ARHGAP44: variants seen among roughly 807,000 people sequenced by gnomAD.
The protein encoded by ARHGAP44 is rho GTPase-activating protein 44.
ARHGAP44 carries 43 observed loss-of-function variants against 106.8 expected under a neutral mutation model. That is an observed-to-expected ratio of 0.40 (90% confidence interval 0.32 to 0.52). ARHGAP44 has a LOEUF of 0.52. Ranked by LOEUF, ARHGAP44 falls within the 20% of genes least tolerant of loss-of-function variation. The probability of loss-of-function intolerance (pLI) is 0.48; values close to 1 mark genes in which losing one functional copy is unlikely to be tolerated. For synonymous variants in ARHGAP44, 439 were observed against 410.3 expected (o/e 1.07, Z -0.85); for missense variants, 866 against 1,050.5 (o/e 0.82, Z 2.43).
At chr17:12,985,088 G>C (rs1453375307) in intron 20 of ARHGAP44, 180 bp downstream of exon 20, 12 of 720,356 alleles carry the variant, frequency 1.7e-5, no homozygotes, top group Non-Finnish European at 2.4e-5. Flanking sequence ...AGCAACCCTG[G>C]AATCCATGTG....
intron 1 of ARHGAP44, among the ~76,000 whole-genome samples, chr17:12,830,341 T>A (rs767597792): frequency 2.0e-5 from 3 of 152,182 alleles, no homozygotes; most frequent in Non-Finnish European, 4.4e-5. Context: ...GGTCTTTTTT[T>A]TTCTTCCTGG....
At chr17:12,854,873 G>T (rs529068423) in intron 1 of ARHGAP44, among the ~76,000 whole-genome samples, 3 of 149,552 alleles carry the variant, frequency 2.0e-5, no homozygotes, top group East Asian at 4.0e-4. Flanking sequence ...CCGCAGAATC[G>T]CTTGAACCCA....
intron 20 of ARHGAP44, chr17:12,986,277 G>A (rs892282420): frequency 2.8e-4 from 43 of 152,090 alleles, no homozygotes; most frequent in African/African-American, 9.9e-4. Flanking sequence ...TGGTGCTGAG[G>A]TGTCTCCTGA....
chr17:12,841,637 C>CAAAAAA (rs140882682), intron 1 of ARHGAP44, among the ~76,000 whole-genome samples: 38 of 101,698 alleles, frequency 3.7e-4, no homozygotes, highest in African/African-American at 1.3e-3. Context: ...CACACACACA[C>CAAAAAA]ACAAACAAAC....
intron 1 of ARHGAP44, among the ~76,000 whole-genome samples, chr17:12,882,009 A>G (rs1270562873): frequency 6.6e-6 from 1 of 152,076 alleles, no homozygotes; most frequent in East Asian, 1.9e-4. Context: ...CCTTCCATAT[A>G]AATTTTAGAT....
intron 5 of ARHGAP44, 66 bp downstream of exon 5, chr17:12,916,077 A>G: frequency 7.7e-7 from 1 of 1,302,732 alleles, no homozygotes; most frequent in Middle Eastern, 2.0e-4. Context: ...CCCCTCAATC[A>G]TTCTGTTTCC....
rs2036851644 is a variant in ARHGAP44, at chr17:12,885,337, G to GTA, written c.54-9602_54-9601insAT. Among the ~76,000 whole-genome samples the GTA allele has an allele frequency of 2.0e-5, 3 of 152,054 alleles. No homozygotes were observed. The South Asian group carries it at 6.2e-4, about 32-fold the overall frequency. ...ATTCACAGAGTAGGTGTGTGTGTGT[G>GTA]TGTGTGTGTGTGTGTAACATAAATG... On this transcript the variant is annotated intron_variant, in intron 1 of 20. Transcript: ENST00000379672.
intron 16 of ARHGAP44, among the ~76,000 whole-genome samples, chr17:12,970,933 T>G (rs2039514339): frequency 6.6e-6 from 1 of 152,232 alleles, no homozygotes; most frequent in South Asian, 2.1e-4. Flanking sequence ...GGAAGGTAAA[T>G]GCACTTTTAG....
At chr17:12,927,327 C>A (rs965188284) in intron 6 of ARHGAP44, among the ~76,000 whole-genome samples, 3 of 152,122 alleles carry the variant, frequency 2.0e-5, no homozygotes, top group African/African-American at 7.2e-5. Context: ...TTTTAGTTTC[C>A]ATTTCTTGTA....
At chr17:12,959,712 C>G (rs996251269) in intron 16 of ARHGAP44, among the ~76,000 whole-genome samples, 9 of 152,160 alleles carry the variant, frequency 5.9e-5, no homozygotes, top group African/African-American at 1.9e-4. Flanking sequence ...CTTGGTTGGT[C>G]AGGCAAGTCA....
intron 1 of ARHGAP44, among the ~76,000 whole-genome samples, chr17:12,840,091 A>G (rs2035347737): frequency 6.6e-6 from 1 of 151,976 alleles, no homozygotes; most frequent in South Asian, 2.1e-4. Flanking sequence ...TTAACACTTG[A>G]TTTCTTAATT....
chr17:12,802,957 ATATATATATATATTTT>A (rs1349892505), intron 1 of ARHGAP44, among the ~76,000 whole-genome samples: 1 of 25,126 alleles, frequency 4.0e-5, no homozygotes, highest in African/African-American at 5.5e-4. Flanking sequence ...ATATATATAT[ATATATATATATATTTT>A]TTTTTTTTTT....
chr17:12,952,722 C>CTTTTT (rs201371135), intron 13 of ARHGAP44, 141 bp downstream of exon 13: 18 of 307,894 alleles, frequency 5.8e-5, no homozygotes, highest in Non-Finnish European at 9.5e-5. Flanking sequence ...TGCATGGTCT[C>CTTTTT]TTTTTTTTTT....
chr17:12,990,373 G>A lies in ARHGAP44; in HGVS notation c.*202G>A, dbSNP rs140144707. The A allele has an allele frequency of 1.2e-3, 771 of 647,030 alleles. 6 individuals are homozygous for A. The highest frequency in any genetic ancestry group is 0.012 in the African/African-American group (654 of 55,108). The allele number at this position is 647,030 out of a possible 1,614,324, so 40.1% of individuals were successfully genotyped here. ...GGTGCAGGTTTTGTTTGTTCCTTTC[G>A]GGTGGTGACTTCGGCCTTTTGTTTG... On this transcript the variant is annotated 3_prime_UTR_variant, in exon 21 of 21. Transcript: ENST00000379672.
intron 1 of ARHGAP44, among the ~76,000 whole-genome samples, chr17:12,798,210 T>A (rs2033981603): frequency 6.6e-6 from 1 of 152,222 alleles, no homozygotes; most frequent in Non-Finnish European, 1.5e-5. Flanking sequence ...CCTAATTGCA[T>A]TGTCTAGGAC....
Position 12,956,641 on chromosome 17 carries a change from C to G in ARHGAP44, c.1251-14C>G. On this transcript the variant is annotated splice_polypyrimidine_tract_variant and intron_variant, in intron 14 of 20. Coordinates refer to ENST00000379672, the MANE Select transcript of ARHGAP44 (RefSeq NM_014859.6). ...GCTAACTCCACCCTGTTTGCCTCTG[C>G]TCTCTGCTTACAGGAACATTACAGA... 1 of 1,611,434 alleles carries G rather than the reference C, an allele frequency of 6.2e-7. No homozygotes were observed. The highest frequency in any genetic ancestry group is 1.7e-5 in the Admixed American group (1 of 60,012).
chr17:12,921,140 C>T (rs947699996), intron 6 of ARHGAP44, among the ~76,000 whole-genome samples: 12 of 152,106 alleles, frequency 7.9e-5, no homozygotes, highest in African/African-American at 2.2e-4. Context: ...GGTCTCTGCT[C>T]ACTGCAACCT....
chr17:12,820,059 A>G (rs1413887300), intron 1 of ARHGAP44, among the ~76,000 whole-genome samples: 1 of 152,140 alleles, frequency 6.6e-6, no homozygotes, highest in Admixed American at 6.6e-5. Flanking sequence ...AATCCAGTTC[A>G]AATAAGTATT....
At chr17:12,906,363 C>T (rs1435277208) in intron 3 of ARHGAP44, among the ~76,000 whole-genome samples, 5 of 152,108 alleles carry the variant, frequency 3.3e-5, no homozygotes, top group Admixed American at 3.3e-4. Context: ...TCAGATCCCG[C>T]AGGTTAAGGG....
Sources: allele counts gnomAD v4.1 joint callset (sites outside exome capture counted in the v4.1 genomes callset), GRCh38; gene constraint gnomAD v4.1.1; transcripts MANE v1.5; gene names NCBI Gene and HGNC (gene_info 2026-07-23, HGNC 2026-07-21).